SOX5: variants seen among roughly 807,000 people sequenced by gnomAD.
The protein encoded by SOX5 is transcription factor SOX-5.
Under a neutral mutation model 92.0 loss-of-function variants are expected in SOX5, and 9 were observed. That is an observed-to-expected ratio of 0.10 (90% CI 0.06 to 0.17). SOX5 has a LOEUF of 0.17. Among genes scored for constraint, SOX5 ranks in the 10% least tolerant of loss-of-function variants. The pLI, the probability that SOX5 is intolerant of heterozygous loss-of-function variation, is 1.00. For missense variants in SOX5, 642 were observed against 944.5 expected, an observed-to-expected ratio of 0.68 and a Z score of 4.20; for synonymous variants, 344 against 336.3, an observed-to-expected ratio of 1.02 and a Z score of -0.25.
chr12:24,074,529 C>G (rs2733673), intron 4 of SOX5, among the ~76,000 whole-genome samples: 5 of 144,876 alleles, frequency 3.5e-5, no homozygotes, highest in Non-Finnish European at 6.0e-5. Context: ...AATATGGAAT[C>G]TAATGTTTAT....
At chr12:24,059,043 A>G (rs182557716) in intron 4 of SOX5, among the ~76,000 whole-genome samples, 1 of 152,150 alleles carries the variant, frequency 6.6e-6, no homozygotes, top group East Asian at 1.9e-4. Context: ...TCATTTTATT[A>G]TAACATTTCA....
chr12:23,994,825 G>A (rs1950885368), intron 4 of SOX5, among the ~76,000 whole-genome samples: 1 of 152,170 alleles, frequency 6.6e-6, no homozygotes, highest in Non-Finnish European at 1.5e-5. Flanking sequence ...AAGTTGGAAT[G>A]AGCTTTTTTG....
At chr12:24,554,044 A>C (rs1227804835) in intron 1 of SOX5, among the ~76,000 whole-genome samples, 1 of 152,238 alleles carries the variant, frequency 6.6e-6, no homozygotes, top group Non-Finnish European at 1.5e-5. Flanking sequence ...TTCCCAGTGC[A>C]AGAGTACATT....
At chr12:23,536,376 T>A in intron 14 of SOX5, 77 bp downstream of exon 14, 1 of 1,162,542 alleles carries the variant, frequency 8.6e-7, no homozygotes. Flanking sequence ...TTTTTGCAAC[T>A]GAACAAATAT....
intron 1 of SOX5, among the ~76,000 whole-genome samples, chr12:24,397,652 G>T (rs1960381750): frequency 1.3e-5 from 2 of 151,520 alleles, no homozygotes; most frequent in Admixed American, 1.3e-4. Context: ...ACATGAAAAT[G>T]AGTATTCATT....
chr12:24,343,741 C>T (rs912452082), intron 2 of SOX5, among the ~76,000 whole-genome samples: 5 of 151,980 alleles, frequency 3.3e-5, no homozygotes, highest in African/African-American at 1.2e-4. Context: ...AAATAAGCTG[C>T]TCTGACTGAG....
intron 1 of SOX5, among the ~76,000 whole-genome samples, chr12:24,485,558 T>A (rs1946432487): frequency 6.6e-6 from 1 of 152,174 alleles, no homozygotes; most frequent in Non-Finnish European, 1.5e-5. Flanking sequence ...TTTTCTTTTA[T>A]CTGTAAAATG....
At position 24,392,061 on chromosome 12, in the gene SOX5, T is replaced by C. The variant is rs140059763; in HGVS notation, c.-250-23422A>G. 2.7e-4 allele frequency among the ~76,000 whole-genome samples: 41 copies of C among 152,214 alleles called. No homozygotes were observed. In the East Asian group the frequency reaches 7.5e-3, roughly 28 times the overall value. ...GCAACTAGCTATGGAACTTGACAGT[T>C]CTCCTTTCCTCATCTCCTGCATTCA... On this transcript the variant is annotated intron_variant, in intron 1 of 4. Coordinates refer to the SOX5 transcript ENST00000446891.
intron 2 of SOX5, among the ~76,000 whole-genome samples, chr12:24,278,838 T>C (rs7965020): frequency 0.71 from 107,512 of 151,254 alleles, 39,147 homozygotes; most frequent in East Asian, 0.9. Context: ...TGTATTTCCA[T>C]AAAAAATTGT....
intron 2 of SOX5, among the ~76,000 whole-genome samples, chr12:24,289,280 CA>C (rs75803761): frequency 2.1e-5 from 3 of 142,222 alleles, no homozygotes; most frequent in Non-Finnish European, 3.1e-5. Context: ...GAACCTGTCT[CA>C]AAAAAAAAAC....
At chr12:24,193,005 T>C (rs1396059725) in intron 4 of SOX5, among the ~76,000 whole-genome samples, 2 of 152,196 alleles carry the variant, frequency 1.3e-5, no homozygotes, top group Non-Finnish European at 2.9e-5. Context: ...AAATTATTAA[T>C]GCAGGCTAAA....
intron 3 of SOX5, among the ~76,000 whole-genome samples, chr12:23,835,308 A>G (rs1188966853): frequency 2.0e-5 from 3 of 151,910 alleles, no homozygotes; most frequent in African/African-American, 7.2e-5. Context: ...AAGGGAAAAA[A>G]GGAACCTGGA....
At chr12:24,413,757 G>T (rs1392610473) in intron 1 of SOX5, among the ~76,000 whole-genome samples, 1 of 152,280 alleles carries the variant, frequency 6.6e-6, no homozygotes, top group South Asian at 2.1e-4. Context: ...CCCACAAGAG[G>T]TTCCAAGCAT....
intron 2 of SOX5, among the ~76,000 whole-genome samples, chr12:23,863,035 G>A (rs755959538): frequency 1.1e-4 from 16 of 152,140 alleles, no homozygotes; most frequent in Non-Finnish European, 1.9e-4. Context: ...TCTTGAGTGT[G>A]GTAGAATAGA....
rs79595553 is a variant in SOX5 at position 23,866,432 on chromosome 12, A to C, written c.271-20239T>G. Among the ~76,000 whole-genome samples the C allele has an allele frequency of 1.3e-3, 201 of 152,326 alleles. 2 individuals carry two copies. In the East Asian group the frequency reaches 0.037, roughly 28 times the overall value. On this transcript the variant is annotated intron_variant, in intron 2 of 14. Transcript: ENST00000451604. ...ACAGCTCTGTGAGTGTTTTGCCACC[A>C]ATCCAAATTTAGGAGTAAGCCTCTG...
intron 1 of SOX5, among the ~76,000 whole-genome samples, chr12:24,450,061 A>G (rs117312229): frequency 0.022 from 3,358 of 152,336 alleles, 59 homozygotes; most frequent in Non-Finnish European, 0.034. Flanking sequence ...TAATGACAAC[A>G]CTAATCTCAA....
intron 8 of SOX5, among the ~76,000 whole-genome samples, chr12:23,639,669 T>C (rs990668206): frequency 1.3e-5 from 2 of 152,146 alleles, no homozygotes; most frequent in Admixed American, 6.5e-5. Flanking sequence ...AGTGTAGCTG[T>C]TCACAGAAAA....
intron 2 of SOX5, among the ~76,000 whole-genome samples, chr12:24,322,667 C>T (rs1950313772): frequency 6.6e-6 from 1 of 152,034 alleles, no homozygotes; most frequent in South Asian, 2.1e-4. Flanking sequence ...CTGTGTTATA[C>T]CTTTGACAAC....
intron 3 of SOX5, among the ~76,000 whole-genome samples, chr12:24,220,048 T>C (rs1960030211): frequency 6.6e-6 from 1 of 152,124 alleles, no homozygotes; most frequent in Non-Finnish European, 1.5e-5. Flanking sequence ...TAGCTTTTTT[T>C]TCCTGCCTAT....
Sources: gnomAD v4.1 joint callset for allele counts (sites outside exome capture counted in the v4.1 genomes callset) on GRCh38, gnomAD v4.1.1 for gene constraint, MANE v1.5 for transcripts, NCBI Gene and HGNC (gene_info 2026-07-23, HGNC 2026-07-21) for gene names.